DLGAP5: variants seen among roughly 807,000 people sequenced by gnomAD.
The protein encoded by DLGAP5 is DLG associated protein 5, also known as disks large-associated protein 5.
In DLGAP5, 90 loss-of-function variants were observed where a neutral mutation model predicts 99.6. The observed-to-expected ratio is 0.90, with a 90% CI of 0.76 to 1.08. The LOEUF is 1.08. Among genes scored for constraint, DLGAP5 ranks in the 50% least tolerant of loss-of-function variants. The pLI, the probability that DLGAP5 is intolerant of heterozygous loss-of-function variation, is 0.00. For synonymous variants in DLGAP5, 311 were observed against 321.3 expected, an observed-to-expected ratio of 0.97 and a Z score of 0.34; for missense variants, 1,036 against 983.5, an observed-to-expected ratio of 1.05 and a Z score of -0.71.
chr14:55,154,566 G>C, intron 15 of DLGAP5, 51 bp downstream of exon 15: 1 of 1,429,436 alleles, frequency 7.0e-7, no homozygotes, highest in African/African-American at 1.4e-5. Context: ...ATCTGAAATG[G>C]TATTTAGTAT....
Position 55,177,225 on chromosome 14 carries a change from T to C in DLGAP5, c.886A>G (p.Ile296Val). 2.5e-6 allele frequency: 4 copies of C among 1,613,676 alleles called. No homozygotes were observed. The highest frequency in any genetic ancestry group is 3.4e-6 in the Non-Finnish European group (4 of 1,179,876). The change falls in exon 8 of 19, where the codon ATA (isoleucine) becomes GTA (valine). Residue 296 changes from isoleucine (I) to valine (V), a missense_variant. Coordinates refer to ENST00000247191, the MANE Select transcript of DLGAP5 (RefSeq NM_014750.5). ...VLSKMENLPE[I>V]NTAKIKGKNS... ...TTCCCTTTTATTTTTGCAGTATTTATCTCAGGTAAGTTTTCCATTTTTGAT... is the reference window on the plus strand; with the variant it reads ...TTCCCTTTTATTTTTGCAGTATTTACCTCAGGTAAGTTTTCCATTTTTGAT...
chr14:55,156,984 T>C (rs912355729), intron 14 of DLGAP5, among the ~76,000 whole-genome samples: 4 of 152,010 alleles, frequency 2.6e-5, no homozygotes, highest in Non-Finnish European at 5.9e-5. Context: ...AGAAGAAAAA[T>C]GTGTTTTTGA....
intron 10 of DLGAP5, 94 bp downstream of exon 10, chr14:55,175,252 T>TC: frequency 9.3e-7 from 1 of 1,079,348 alleles, no homozygotes; most frequent in Non-Finnish European, 1.3e-6. Flanking sequence ...ACACCAGTTT[T>TC]CCCCCACTAT....
At position 55,177,224 on chromosome 14, in the gene DLGAP5, A is replaced by T. The variant is rs1185390631; in HGVS notation, c.887T>A (p.Ile296Lys). 1.2e-6 allele frequency: 2 copies of T among 1,613,424 alleles called. No individual in the cohort carries two copies. The highest frequency in any genetic ancestry group is 1.7e-6 in the Non-Finnish European group (2 of 1,179,826). The change falls in exon 8 of 19, where the codon ATA (isoleucine) becomes AAA (lysine). Residue 296 changes from isoleucine (I) to lysine (K), a missense_variant. By Grantham distance (102) the Ile-to-Lys change is moderately radical (BLOSUM62 -3). Coordinates refer to ENST00000247191, the MANE Select transcript of DLGAP5 (RefSeq NM_014750.5). ...VLSKMENLPE[I>K]NTAKIKGKNS... ...CTTCCCTTTTATTTTTGCAGTATTT[A>T]TCTCAGGTAAGTTTTCCATTTTTGA... is the stretch of plus-strand genomic sequence containing the variant.
rs1881988610 is a variant in DLGAP5 at position 55,150,823 on chromosome 14, A to G, written c.2394T>C (p.Thr798=). The change falls in exon 18 of 19, where the codon ACT becomes ACC. Residue 798 remains threonine, a synonymous_variant. Transcript: ENST00000247191. ...QSELFDNKSL[T]TECHLLDSPG... Reference sequence around the variant, plus strand: ...CTGAATCAAGAAGGTGGCATTCAGTAGTGAGACTTTTATTATCAAATAGTT... The same window carrying G: ...CTGAATCAAGAAGGTGGCATTCAGTGGTGAGACTTTTATTATCAAATAGTT... 6.3e-7 allele frequency: 1 copy of G among 1,582,174 alleles called. No homozygotes were observed. Among genetic ancestry groups the G allele is most frequent in the Non-Finnish European group, 8.5e-7 (1 of 1,170,386 alleles).
chr14:55,159,769 T>C (rs1449651710), intron 13 of DLGAP5, among the ~76,000 whole-genome samples: 8 of 151,938 alleles, frequency 5.3e-5, no homozygotes, highest in African/African-American at 1.7e-4. Context: ...TTGGGTAAGA[T>C]TGCACAGGAA....
At chr14:55,155,703 T>C (rs1237284212) in intron 14 of DLGAP5, among the ~76,000 whole-genome samples, 1 of 152,066 alleles carries the variant, frequency 6.6e-6, no homozygotes, top group African/African-American at 2.4e-5. Context: ...AAAGAAGAGA[T>C]AGCAACAATA....
intron 15 of DLGAP5, 24 bp downstream of exon 15, chr14:55,154,587 TAAACTC>T (rs1882137762): frequency 1.3e-6 from 2 of 1,575,398 alleles, no homozygotes; most frequent in African/African-American, 1.3e-5. Flanking sequence ...CAGCAACTGT[TAAACTC>T]TTATTAACAT....
intron 15 of DLGAP5, 25 bp from the exon 16 acceptor site, chr14:55,152,672 A>G (rs1220415637): frequency 9.0e-6 from 14 of 1,555,456 alleles, no homozygotes; most frequent in Non-Finnish European, 1.2e-5. Flanking sequence ...AAGCAGCATT[A>G]CACTCATAAA....
Position 55,154,053 on chromosome 14 carries a change from C to T in DLGAP5, c.2063+564G>A, listed in dbSNP as rs112968224. 3.6e-3 allele frequency among the ~76,000 whole-genome samples: 548 copies of T among 152,176 alleles called. 2 individuals are homozygous for T. Among genetic ancestry groups the T allele is most frequent in the African/African-American group, 0.013 (533 of 41,516 alleles). ...CCTAGGCAACAGAGTGAGACTCCAC[C>T]TCCAAAAAACAAACAAAAAAATCTA... On this transcript the variant is annotated intron_variant, in intron 15 of 18. Transcript: ENST00000247191.
chr14:55,172,179 TAA>T (rs35259527), intron 10 of DLGAP5, among the ~76,000 whole-genome samples: 373 of 139,772 alleles, frequency 2.7e-3, no homozygotes, highest in African/African-American at 8.7e-3. Context: ...TTTGTTTCTT[TAA>T]AAAAAAAAAA....
At chr14:55,154,020 C>A (rs1882114238) in intron 15 of DLGAP5, among the ~76,000 whole-genome samples, 2 of 152,186 alleles carry the variant, frequency 1.3e-5, no homozygotes, top group South Asian at 4.1e-4. Flanking sequence ...CGTACCACTG[C>A]ACTCCAGCCT....
Position 55,151,820 on chromosome 14 carries a change from AC to A in DLGAP5, c.2242del (p.Val748LeufsTer7), listed in dbSNP as rs1282608458. The A allele has an allele frequency of 6.2e-7, 1 of 1,614,022 alleles. No homozygotes were observed. The highest frequency in any genetic ancestry group is 2.2e-5 in the East Asian group (1 of 44,836). Reference protein sequence around the residue: ...NTNKKEGISDVVEGMELNSSI... With the variant: ...NTNKKEGISDXVEGMELNSSI... ...AGAATTCAGTTCCATTCCTTCCACA[AC>A]ATCTGAAATTCCTTCTTTTTTGTTA... is the stretch of plus-strand genomic sequence containing the variant. On this transcript the variant is annotated frameshift_variant, in exon 17 of 19. Transcript: ENST00000247191. LOFTEE classifies it high-confidence loss of function.
At chr14:55,180,844 A>G (rs929040806) in intron 5 of DLGAP5, 66 bp from the exon 6 acceptor site, 2 of 1,547,328 alleles carry the variant, frequency 1.3e-6, no homozygotes, top group Non-Finnish European at 1.7e-6. Flanking sequence ...CTGTGAAGCC[A>G]GGCATGGTAG....
intron 12 of DLGAP5, among the ~76,000 whole-genome samples, chr14:55,169,112 A>C (rs13379158): frequency 0.28 from 41,486 of 148,088 alleles, 11,216 homozygotes; most frequent in African/African-American, 0.72. Context: ...GGGGGCAGAG[A>C]CAGCAGTGAG....
In DLGAP5 at chr14:55,177,428, A is replaced by AT. The variant is rs1883113439; in HGVS notation, c.775-93_775-92insA. ...ATAGGTCTGAAAATATGACAACAGA[A>AT]ATATATGTTCTATGTACATAATTTG... On this transcript the variant is annotated intron_variant, in intron 7 of 18. Coordinates refer to ENST00000247191, the MANE Select transcript of DLGAP5 (RefSeq NM_014750.5). 4 of 1,187,580 alleles carry AT rather than the reference A, an allele frequency of 3.4e-6. No individual in the cohort carries two copies. The African/African-American group carries it at 6.2e-5, about 18-fold the overall frequency. The allele number at this position is 1,187,580 out of a possible 1,614,324, so 73.6% of individuals were successfully genotyped here.
chr14:55,152,665 C>G lies in DLGAP5; in HGVS notation c.2064-18G>C. 3 of 1,577,628 alleles carry G rather than the reference C, an allele frequency of 1.9e-6. No individual in the cohort carries two copies. The highest frequency in any genetic ancestry group is 1.7e-4 in the Middle Eastern group (1 of 5,934). On this transcript the variant is annotated intron_variant, in intron 15 of 18. Transcript: ENST00000247191. ...TGCTGCTCCTAAAGAAGAAAAAAAG[C>G]AGCATTACACTCATAAACATATTGT...
Position 55,151,869 on chromosome 14 carries a change from C to T in DLGAP5, c.2194G>A (p.Gly732Arg), listed in dbSNP as rs1882031792. Residue 732 changes from glycine to arginine, a missense_variant, in exon 17 of 19, where the codon GGA (glycine) becomes AGA (arginine). Coordinates refer to ENST00000247191, the MANE Select transcript of DLGAP5 (RefSeq NM_014750.5). Reference protein sequence around the residue: ...ERMSLPLLAGGVADDINTNKK... With the variant: ...ERMSLPLLAGRVADDINTNKK... The stretch of plus-strand genomic sequence containing the variant: ...TTAGTATTAATATCATCTGCTACTC[C>T]ACCAGCAAGAAGAGGCAAACTCATT... 1 of 1,613,900 alleles carries T rather than the reference C, an allele frequency of 6.2e-7. No individual in the cohort carries two copies. The highest frequency in any genetic ancestry group is 8.5e-7 in the Non-Finnish European group (1 of 1,179,900).
In DLGAP5 at chr14:55,150,394, C is replaced by G. The variant is rs188716401; in HGVS notation, c.2418+405G>C. On this transcript the variant is annotated intron_variant, in intron 18 of 18. Coordinates refer to ENST00000247191, the MANE Select transcript of DLGAP5 (RefSeq NM_014750.5). ...ACTAGATTTAGAGGCAAGAGGTCAC[C>G]AGAAGTAAAAGCAGGGAAGTAGCCA... The G allele has an allele frequency of 3.4e-3, 527 of 157,298 alleles. 3 individuals carry two copies. Among genetic ancestry groups the G allele is most frequent in the African/African-American group, 0.012 (483 of 41,522 alleles). 9.7% of individuals were successfully genotyped at this position (157,298 alleles called of 1,614,324 possible). A position where few individuals can be genotyped will look rare whatever the true frequency, so the allele number is the denominator to read the frequency against.
Sources: allele counts gnomAD v4.1 joint callset (sites outside exome capture counted in the v4.1 genomes callset), GRCh38; gene constraint gnomAD v4.1.1; transcripts MANE v1.5; gene names NCBI Gene and HGNC (gene_info 2026-07-23, HGNC 2026-07-21).